The following ZNF804A variants were observed in gnomAD, a reference collection of about 807,000 sequenced individuals.
ZNF804A encodes the protein zinc finger protein 804A.
A neutral mutation model predicts 16.5 loss-of-function variants in ZNF804A; 2 were observed. The observed-to-expected ratio is 0.12, with a 90% CI of 0.05 to 0.38. ZNF804A has a LOEUF of 0.38. Ranked by LOEUF, ZNF804A falls within the 10% of genes least tolerant of loss-of-function variation. The pLI is 0.99. For synonymous variants in ZNF804A, 534 were observed against 489.6 expected, an observed-to-expected ratio of 1.09 and a Z score of -1.20; for missense variants, 1,473 against 1,390.7, an observed-to-expected ratio of 1.06 and a Z score of -0.94.
At chr2:184,716,346 A>G (rs1204605316) in intron 1 of ZNF804A, among the ~76,000 whole-genome samples, 1 of 152,050 alleles carries the variant, frequency 6.6e-6, no homozygotes, top group Admixed American at 6.6e-5. Flanking sequence ...ATATTTTGAT[A>G]TAAGTATTTT....
intron 1 of ZNF804A, among the ~76,000 whole-genome samples, chr2:184,756,914 T>G (rs1206171909): frequency 6.6e-6 from 1 of 152,050 alleles, no homozygotes; most frequent in Non-Finnish European, 1.5e-5. Context: ...AGCAGTTTAG[T>G]GCCAAACAAT....
At chr2:184,922,195 T>C (rs1191771887) in intron 2 of ZNF804A, among the ~76,000 whole-genome samples, 1 of 152,108 alleles carries the variant, frequency 6.6e-6, no homozygotes, top group African/African-American at 2.4e-5. Context: ...CCAGAGTGGT[T>C]GTACAAATTT....
intron 1 of ZNF804A, among the ~76,000 whole-genome samples, chr2:184,668,472 G>A (rs970370076): frequency 8.6e-5 from 13 of 151,810 alleles, no homozygotes; most frequent in Non-Finnish European, 1.3e-4. Flanking sequence ...TTGAAATAAT[G>A]TTATTACTTC....
chr2:184,792,670 A>G (rs78766267), intron 1 of ZNF804A, among the ~76,000 whole-genome samples: 4,570 of 152,274 alleles, frequency 0.03, 233 homozygotes, highest in African/African-American at 0.1. Context: ...TTTAATTTCA[A>G]TGAAGTCCAG....
chr2:184,802,628 G>C (rs1427893826), intron 1 of ZNF804A, among the ~76,000 whole-genome samples: 1 of 152,134 alleles, frequency 6.6e-6, no homozygotes, highest in African/African-American at 2.4e-5. Flanking sequence ...AGATTTTGGG[G>C]TGACAGTTTG....
chr2:184,760,133 T>G (rs759800079), intron 1 of ZNF804A, among the ~76,000 whole-genome samples: 18 of 152,124 alleles, frequency 1.2e-4, no homozygotes, highest in Non-Finnish European at 2.2e-4. Flanking sequence ...TCTTTTGTGA[T>G]TCTTCAGTTA....
At chr2:184,840,377 C>CT (rs1234406357) in intron 1 of ZNF804A, among the ~76,000 whole-genome samples, 1 of 151,952 alleles carries the variant, frequency 6.6e-6, no homozygotes, top group Non-Finnish European at 1.5e-5. Flanking sequence ...GAGTGAGACT[C>CT]TGTCTCAAAA....
intron 1 of ZNF804A, among the ~76,000 whole-genome samples, chr2:184,801,908 T>G (rs930304140): frequency 6.6e-6 from 1 of 152,148 alleles, no homozygotes; most frequent in African/African-American, 2.4e-5. Context: ...GAAATATGCC[T>G]TTAGTGTGAG....
chr2:184,809,123 G>A (rs927603334), intron 1 of ZNF804A, among the ~76,000 whole-genome samples: 1 of 151,806 alleles, frequency 6.6e-6, no homozygotes, highest in Non-Finnish European at 1.5e-5. Flanking sequence ...AACAGTTTTG[G>A]AAAGGGATAT....
chr2:184,704,393 C>G (rs1692985329), intron 1 of ZNF804A, among the ~76,000 whole-genome samples: 1 of 152,036 alleles, frequency 6.6e-6, no homozygotes, highest in Non-Finnish European at 1.5e-5. Flanking sequence ...CTCAGATGAT[C>G]CACCCGCCTC....
At chr2:184,689,965 A>C (rs978237690) in intron 1 of ZNF804A, among the ~76,000 whole-genome samples, 30 of 152,166 alleles carry the variant, frequency 2.0e-4, no homozygotes, top group South Asian at 8.3e-4. Context: ...TGGAAGTAAA[A>C]TACCTTAGAC....
chr2:184,938,467 T>G lies in ZNF804A; in HGVS notation c.3071T>G (p.Leu1024Arg). Residue 1024 changes from leucine to arginine, a missense_variant, in exon 4 of 4, where the codon CTG becomes CGG. Physicochemically the swap from Leu to Arg is moderately radical, Grantham distance 102 (BLOSUM62 -2). Coordinates refer to ENST00000302277, the MANE Select transcript of ZNF804A (RefSeq NM_194250.2). ...GHTFVTAEQI[L>R]APLALPEQAL... is the part of the protein sequence containing the mutation. ...ACTTTTGTAACAGCTGAGCAAATCC[T>G]GGCTCCATTAGCTTTACCAGAGCAA... The G allele has an allele frequency of 6.2e-7, 1 of 1,614,114 alleles. No homozygotes were observed. The highest frequency in any genetic ancestry group is 8.5e-7 in the Non-Finnish European group (1 of 1,180,014).
At chr2:184,752,580 A>G (rs1213083031) in intron 1 of ZNF804A, among the ~76,000 whole-genome samples, 3 of 151,544 alleles carry the variant, frequency 2.0e-5, no homozygotes, top group African/African-American at 7.3e-5. Context: ...CCACCAGTAC[A>G]CAATATACCC....
At chr2:184,615,982 C>A (rs1194407357) in intron 1 of ZNF804A, among the ~76,000 whole-genome samples, 1 of 152,146 alleles carries the variant, frequency 6.6e-6, no homozygotes, top group African/African-American at 2.4e-5. Flanking sequence ...AAGCATTGAC[C>A]ATTTTGGTTC....
At chr2:184,919,914 G>C (rs1298722404) in intron 2 of ZNF804A, among the ~76,000 whole-genome samples, 4 of 152,138 alleles carry the variant, frequency 2.6e-5, no homozygotes, top group East Asian at 3.9e-4. Context: ...TCAGGAGTTA[G>C]AGATTAGCCT....
At chr2:184,894,369 C>T (rs980765512) in intron 2 of ZNF804A, among the ~76,000 whole-genome samples, 3 of 151,946 alleles carry the variant, frequency 2.0e-5, no homozygotes, top group Non-Finnish European at 4.4e-5. Flanking sequence ...AATATTTTGT[C>T]TCTGAGATGA....
At chr2:184,935,646 C>A in intron 3 of ZNF804A, 137 bp from the exon 4 acceptor site, 3 of 946,036 alleles carry the variant, frequency 3.2e-6, no homozygotes, top group Non-Finnish European at 4.5e-6. Flanking sequence ...GTACTTACAC[C>A]ATATGAAGGC....
chr2:184,795,449 A>G (rs1007933675), intron 1 of ZNF804A, among the ~76,000 whole-genome samples: 6 of 152,124 alleles, frequency 3.9e-5, no homozygotes. Context: ...GATACACCTA[A>G]ATGCTTACAT....
intron 1 of ZNF804A, among the ~76,000 whole-genome samples, chr2:184,761,438 G>A (rs1694035118): frequency 6.6e-6 from 1 of 152,064 alleles, no homozygotes; most frequent in South Asian, 2.1e-4. Flanking sequence ...CTCTTTTGAG[G>A]CATATGCATA....
Sources: gnomAD v4.1 joint callset for allele counts (sites outside exome capture counted in the v4.1 genomes callset) on GRCh38, gnomAD v4.1.1 for gene constraint, MANE v1.5 for transcripts, NCBI Gene and HGNC (gene_info 2026-07-23, HGNC 2026-07-21) for gene names.